ARHGAP44: variants seen among roughly 807,000 people sequenced by gnomAD.
ARHGAP44 encodes the protein Rho GTPase activating protein 44, also known as rho GTPase-activating protein 44.
Under a neutral mutation model 106.8 loss-of-function variants are expected in ARHGAP44, and 43 were observed. The observed-to-expected ratio is 0.40, with a 90% confidence interval of 0.32 to 0.52. The LOEUF (loss-of-function observed/expected upper bound fraction) is 0.52, where lower values mean the gene tolerates loss of function less well. ARHGAP44 is among the 20% of genes least tolerant of loss of function. The pLI is 0.48. For missense variants in ARHGAP44, 866 were observed against 1,050.5 expected (o/e 0.82, Z 2.43); for synonymous variants, 439 against 410.3 (o/e 1.07, Z -0.85).
intron 1 of ARHGAP44, among the ~76,000 whole-genome samples, chr17:12,842,998 C>T (rs1327363557): frequency 6.6e-6 from 1 of 152,072 alleles, no homozygotes; most frequent in Non-Finnish European, 1.5e-5. Context: ...TCCTTATATG[C>T]TGAGGCTGGG....
chr17:12,915,932 A>G lies in ARHGAP44; in HGVS notation c.308A>G (p.Asp103Gly). ...KMLKLCGETE[D>G]KLAQELIHFE... ...CTGAAACTCTGTGGAGAGACGGAGG[A>G]CAAGCTGGCTCAGGAGCTGATACAT... The change falls in exon 5 of 21, where the codon GAC becomes GGC. Residue 103 changes from aspartate to glycine, a missense_variant. By Grantham distance (94) the Asp-to-Gly change is moderately conservative. This residue lies in a region of ARHGAP44 where 448 missense variants were observed against 646.9 expected (regional missense o/e 0.69). Transcript: ENST00000379672. 1 of 1,613,936 alleles carries G rather than the reference A, an allele frequency of 6.2e-7. No individual in the cohort carries two copies. The highest frequency in any genetic ancestry group is 8.5e-7 in the Non-Finnish European group (1 of 1,179,872).
rs75266617 is a variant in ARHGAP44, at chr17:12,898,766, A to G, written c.198+2255A>G. Among the ~76,000 whole-genome samples the G allele has an allele frequency of 4.5e-3, 689 of 152,272 alleles. 11 individuals are homozygous for G. The highest frequency in any genetic ancestry group is 0.045 in the East Asian group (230 of 5,164). On this transcript the variant is annotated intron_variant, in intron 3 of 20. Transcript: ENST00000379672. ...TGTGTCCAAGATAAATGGGTTTGCTATGACTGGCCATGATTCACCAGCGAG... is the reference window on the plus strand; with the variant it reads ...TGTGTCCAAGATAAATGGGTTTGCTGTGACTGGCCATGATTCACCAGCGAG...
intron 3 of ARHGAP44, among the ~76,000 whole-genome samples, chr17:12,906,504 G>T (rs2037553487): frequency 6.6e-6 from 1 of 152,162 alleles, no homozygotes; most frequent in South Asian, 2.1e-4. Context: ...TGCTAAAATG[G>T]CTCGAAGAAC....
intron 6 of ARHGAP44, among the ~76,000 whole-genome samples, chr17:12,926,057 T>G (rs1598065111): frequency 6.6e-6 from 1 of 152,298 alleles, no homozygotes; most frequent in Non-Finnish European, 1.5e-5. Context: ...TTGGACATCT[T>G]GTCACTGTTT....
chr17:12,980,265 A>G (rs1270971928), intron 19 of ARHGAP44, 32 bp downstream of exon 19: 1 of 1,571,838 alleles, frequency 6.4e-7, no homozygotes, highest in South Asian at 1.1e-5. Context: ...CCTTGGTCTC[A>G]GGCCGGAGGT....
chr17:12,811,632 A>G (rs1455696691), intron 1 of ARHGAP44, among the ~76,000 whole-genome samples: 1 of 152,198 alleles, frequency 6.6e-6, no homozygotes, highest in Non-Finnish European at 1.5e-5. Context: ...AGTTTTGTGA[A>G]ATATTCTTTC....
chr17:12,905,363 A>C lies in ARHGAP44; in HGVS notation c.199-3534A>C, dbSNP rs141087995. Among the ~76,000 whole-genome samples the C allele has an allele frequency of 2.8e-3, 421 of 152,324 alleles. 11 individuals are homozygous for C. The East Asian group carries it at 0.056, about 20-fold the overall frequency. The stretch of plus-strand genomic sequence containing the variant: ...CATTAGTGCAGGTGTTAAATGACTC[A>C]AAATGATGAGAAAATGTAGCTTCCT... On this transcript the variant is annotated intron_variant, in intron 3 of 20. Transcript: ENST00000379672.
Position 12,974,992 on chromosome 17 carries a change from G to A in ARHGAP44, c.1763+682G>A, listed in dbSNP as rs186907331. 3.4e-3 allele frequency among the ~76,000 whole-genome samples: 518 copies of A among 152,074 alleles called. 2 individuals are homozygous for A. Among genetic ancestry groups the A allele is most frequent in the African/African-American group, 0.011 (473 of 41,484 alleles). ...AGCCTCCCAAGTAGCTGGGATTACA[G>A]GCATGTGCCACCATGCTTGGCTAAT... On this transcript the variant is annotated intron_variant, in intron 18 of 20. Transcript: ENST00000379672.
At chr17:12,928,803 T>C in intron 6 of ARHGAP44, 126 bp from the exon 7 acceptor site, 1 of 765,954 alleles carries the variant, frequency 1.3e-6, no homozygotes. Context: ...TTTCATGACC[T>C]CCCTTTTCCA....
At chr17:12,956,544 G>A in intron 14 of ARHGAP44, 111 bp from the exon 15 acceptor site, 1 of 808,936 alleles carries the variant, frequency 1.2e-6, no homozygotes, top group Non-Finnish European at 2.1e-6. Flanking sequence ...CTCTGTCTGT[G>A]GGGTTCCAGT....
chr17:12,835,527 A>C lies in ARHGAP44; in HGVS notation c.53+45636A>C, dbSNP rs867338299. Among the ~76,000 whole-genome samples, 4 of 152,298 alleles carry C rather than the reference A, an allele frequency of 2.6e-5. No individual in the cohort carries two copies. The Middle Eastern group carries it at 0.01, about 389-fold the overall frequency. ...TCTTCTGACTTAAAAAGATAAAATGAGTATTTGTGATTTGGAGTTAATACT... is the reference window on the plus strand; with the variant it reads ...TCTTCTGACTTAAAAAGATAAAATGCGTATTTGTGATTTGGAGTTAATACT... On this transcript the variant is annotated intron_variant, in intron 1 of 20. Coordinates refer to ENST00000379672, the MANE Select transcript of ARHGAP44 (RefSeq NM_014859.6).
intron 16 of ARHGAP44, among the ~76,000 whole-genome samples, chr17:12,962,257 C>A (rs922330889): frequency 1.1e-4 from 16 of 152,236 alleles, no homozygotes; most frequent in Middle Eastern, 3.4e-3. Flanking sequence ...AAGCTTCTTA[C>A]TTCCCTCGCG....
intron 1 of ARHGAP44, among the ~76,000 whole-genome samples, chr17:12,848,650 T>C (rs965707851): frequency 2.0e-5 from 3 of 152,218 alleles, no homozygotes; most frequent in Admixed American, 6.5e-5. Flanking sequence ...AAATCCCTCA[T>C]TGGCTTCATC....
At position 12,882,739 on chromosome 17, in the gene ARHGAP44, A is replaced by C. The variant is rs565695653; in HGVS notation, c.54-12201A>C. The stretch of plus-strand genomic sequence containing the variant: ...TGTGCATGTGATGAATTATACTTGC[A>C]GGTTGCTAAAGTTAAACCATTCTTA... On this transcript the variant is annotated intron_variant, in intron 1 of 20. Transcript: ENST00000379672. 9.2e-5 allele frequency among the ~76,000 whole-genome samples: 14 copies of C among 152,244 alleles called. No individual in the cohort carries two copies. In the South Asian group the frequency reaches 1.7e-3, roughly 18 times the overall value.
chr17:12,842,834 T>C (rs930337348), intron 1 of ARHGAP44, among the ~76,000 whole-genome samples: 2 of 152,192 alleles, frequency 1.3e-5, no homozygotes, highest in African/African-American at 4.8e-5. Flanking sequence ...CATGTGATGG[T>C]ACAGAGTCAG....
At chr17:12,886,184 C>T (rs745322302) in intron 1 of ARHGAP44, among the ~76,000 whole-genome samples, 19 of 152,080 alleles carry the variant, frequency 1.2e-4, no homozygotes, top group Middle Eastern at 3.4e-3. Flanking sequence ...TATTCTTTTC[C>T]ACTGATCTGG....
intron 19 of ARHGAP44, among the ~76,000 whole-genome samples, chr17:12,982,339 C>T (rs2039854786): frequency 6.7e-6 from 1 of 149,744 alleles, no homozygotes; most frequent in Non-Finnish European, 1.5e-5. Context: ...TTTTTGACAC[C>T]TCAGTCTTCT....
intron 1 of ARHGAP44, among the ~76,000 whole-genome samples, chr17:12,847,074 A>C (rs2035589411): frequency 6.6e-6 from 1 of 152,210 alleles, no homozygotes; most frequent in Admixed American, 6.5e-5. Flanking sequence ...TTTACCTGTC[A>C]TTAACTCAGC....
chr17:12,905,365 A>C (rs2037517398), intron 3 of ARHGAP44, among the ~76,000 whole-genome samples: 1 of 152,170 alleles, frequency 6.6e-6, no homozygotes, highest in Non-Finnish European at 1.5e-5. Flanking sequence ...AATGACTCAA[A>C]ATGATGAGAA....
Sources: allele counts gnomAD v4.1 joint callset (sites outside exome capture counted in the v4.1 genomes callset), GRCh38; gene constraint gnomAD v4.1.1; regional missense constraint gnomAD v4.1.1; transcripts MANE v1.5; gene names NCBI Gene and HGNC (gene_info 2026-07-23, HGNC 2026-07-21).